FBXO38: variants seen among roughly 807,000 people sequenced by gnomAD.
The protein encoded by FBXO38 is F-box protein 38, also known as F-box only protein 38.
In FBXO38, 53 loss-of-function variants were observed where a neutral mutation model predicts 131.9. The observed-to-expected ratio is 0.40, with a 90% confidence interval of 0.32 to 0.51. The LOEUF (loss-of-function observed/expected upper bound fraction) is 0.51, where lower values mean the gene tolerates loss of function less well. FBXO38 is among the 20% of genes least tolerant of loss of function. FBXO38 has a pLI of 0.53. For missense variants in FBXO38, 1,076 were observed against 1,475.6 expected (o/e 0.73, Z 4.44); for synonymous variants, 452 against 505.6 (o/e 0.89, Z 1.42).
intron 19 of FBXO38, chr5:148,440,214 T>C (rs1417229020): frequency 1.8e-5 from 9 of 505,158 alleles, no homozygotes; most frequent in Non-Finnish European, 2.5e-5. Context: ...TTCCCTGATA[T>C]GATTTTGAAG....
At chr5:148,440,339 G>A (rs537722449) in intron 19 of FBXO38, 85 bp from the exon 20 acceptor site, 398 of 809,896 alleles carry the variant, frequency 4.9e-4, no homozygotes, top group African/African-American at 7.6e-4. Flanking sequence ...ATCTGTGTCC[G>A]AAACAGTTTT....
intron 1 of FBXO38, among the ~76,000 whole-genome samples, chr5:148,386,616 G>C (rs1757927466): frequency 6.6e-6 from 1 of 152,028 alleles, no homozygotes; most frequent in Non-Finnish European, 1.5e-5. Flanking sequence ...TGTCATTTCT[G>C]ACATTTCCTT....
intron 15 of FBXO38, among the ~76,000 whole-genome samples, chr5:148,431,644 T>G (rs1340814087): frequency 6.6e-6 from 1 of 152,208 alleles, no homozygotes; most frequent in Admixed American, 6.5e-5. Flanking sequence ...AACCAGGACT[T>G]ACTAATGAGG....
chr5:148,402,559 TA>T, intron 5 of FBXO38, 46 bp downstream of exon 5: 1 of 1,408,998 alleles, frequency 7.1e-7, no homozygotes, highest in Non-Finnish European at 9.6e-7. Flanking sequence ...TGAAATGCCA[TA>T]AAATGTGAAT....
chr5:148,418,093 A>T (rs931857070), intron 12 of FBXO38, among the ~76,000 whole-genome samples: 1 of 151,778 alleles, frequency 6.6e-6, no homozygotes, highest in African/African-American at 2.4e-5. Context: ...TCCCTATAGA[A>T]CTCTCCACTT....
intron 17 of FBXO38, chr5:148,434,164 G>T (rs539767865): frequency 2.0e-5 from 3 of 152,400 alleles, no homozygotes; most frequent in South Asian, 4.1e-4. Flanking sequence ...TTTACTTTGT[G>T]GCCCATTATC....
intron 15 of FBXO38, among the ~76,000 whole-genome samples, chr5:148,428,925 G>A (rs1753876536): frequency 6.6e-6 from 1 of 152,174 alleles, no homozygotes; most frequent in Non-Finnish European, 1.5e-5. Flanking sequence ...TATGGTGAAA[G>A]TACTTTTCCC....
chr5:148,394,646 C>CA (rs1758381411), intron 1 of FBXO38, 68 bp from the exon 2 acceptor site: 1 of 638,804 alleles, frequency 1.6e-6, no homozygotes, highest in Non-Finnish European at 2.4e-6. Context: ...TGAAAATAAA[C>CA]ATTGTTTAAC....
In FBXO38 at chr5:148,404,707, T is replaced by C; in HGVS notation, c.615T>C (p.Pro205=). 1 of 1,587,002 alleles carries C rather than the reference T, an allele frequency of 6.3e-7. No individual in the cohort carries two copies. The change falls in exon 6 of 22, where the codon CCT becomes CCC. Residue 205 remains proline, a synonymous_variant. Transcript: ENST00000340253. ...TAGGGGTGAATGTTCCTGAAATTCC[T>C]TGTATCCCAATGCTAAGGCACCTTT... The part of the protein sequence containing the change: ...HLVGVNVPEI[P]CIPMLRHLYM...
Position 148,414,313 on chromosome 5 carries a change from C to A in FBXO38, c.1264+7C>A, listed in dbSNP as rs748117269. The A allele has an allele frequency of 1.9e-6, 3 of 1,581,470 alleles. No individual in the cohort carries two copies. Among genetic ancestry groups the A allele is most frequent in the Non-Finnish European group, 2.6e-6 (3 of 1,166,040 alleles). On this transcript the variant is annotated splice_region_variant and intron_variant, in intron 10 of 21. Transcript: ENST00000340253. ...CCATACAATTGGATCTCAGGTATTA[C>A]AGACTTAAAAATACAGCTATGTTTT... is the stretch of plus-strand genomic sequence containing the variant.
At chr5:148,410,569 TAGG>T in intron 8 of FBXO38, 63 bp from the exon 9 acceptor site, 1 of 1,570,816 alleles carries the variant, frequency 6.4e-7, no homozygotes, top group South Asian at 1.1e-5. Context: ...ACACTTATAT[TAGG>T]AGGAATCTTT....
intron 1 of FBXO38, among the ~76,000 whole-genome samples, chr5:148,392,611 G>A (rs996599512): frequency 3.3e-5 from 5 of 151,388 alleles, no homozygotes; most frequent in African/African-American, 1.2e-4. Context: ...GTGTGTGTGT[G>A]TGTGTGTGTA....
At chr5:148,393,347 A>T (rs1197529758) in intron 1 of FBXO38, among the ~76,000 whole-genome samples, 2 of 152,048 alleles carry the variant, frequency 1.3e-5, no homozygotes, top group Non-Finnish European at 2.9e-5. Context: ...ATGAAGATTT[A>T]CTTAGCCTAG....
At chr5:148,438,052 A>G (rs1754450200) in intron 17 of FBXO38, among the ~76,000 whole-genome samples, 1 of 152,188 alleles carries the variant, frequency 6.6e-6, no homozygotes, top group African/African-American at 2.4e-5. Context: ...TTTTAAATAA[A>G]TATTTCCTAA....
Position 148,433,537 on chromosome 5 carries a change from C to G in FBXO38, c.2754+13C>G, listed in dbSNP as rs370574839. The G allele has an allele frequency of 2.5e-6, 4 of 1,591,352 alleles. No individual in the cohort carries two copies. The African/African-American group carries it at 5.4e-5, about 21-fold the overall frequency. ...TGACCATGTGCAGGTAGAGAAAAAACCCTCACTTACCTTTATCACAGTCTA... is the reference window on the plus strand; with the variant it reads ...TGACCATGTGCAGGTAGAGAAAAAAGCCTCACTTACCTTTATCACAGTCTA... On this transcript the variant is annotated intron_variant, in intron 16 of 21. Transcript: ENST00000340253.
At chr5:148,418,958 C>T (rs531089318) in intron 12 of FBXO38, among the ~76,000 whole-genome samples, 1 of 152,198 alleles carries the variant, frequency 6.6e-6, no homozygotes, top group South Asian at 2.1e-4. Flanking sequence ...TTTATAAATA[C>T]GGTTTCAGAA....
At chr5:148,416,185 G>A in intron 11 of FBXO38, 115 bp downstream of exon 11, 1 of 989,660 alleles carries the variant, frequency 1.0e-6, no homozygotes, top group Non-Finnish European at 1.4e-6. Flanking sequence ...GTTACAGTCG[G>A]ACTTTTTACT....
rs776587530 is a variant in FBXO38 at position 148,394,920 on chromosome 5, G to A, written c.128+16G>A. 7.1e-6 allele frequency: 11 copies of A among 1,555,978 alleles called. No homozygotes were observed. The highest frequency in any genetic ancestry group is 1.7e-4 in the Middle Eastern group (1 of 5,882). On this transcript the variant is annotated intron_variant, in intron 2 of 21. Coordinates refer to ENST00000340253, the MANE Select transcript of FBXO38 (RefSeq NM_205836.3). ...ATATTTTTAGGTAAGATTGTGTTTG[G>A]TTGGCTTACCTGCCTGGAATGGATA...
At chr5:148,432,474 T>C (rs1165155035) in intron 15 of FBXO38, among the ~76,000 whole-genome samples, 1 of 152,216 alleles carries the variant, frequency 6.6e-6, no homozygotes, top group Non-Finnish European at 1.5e-5. Flanking sequence ...GGTTCCCATT[T>C]AACACTGTGG....
Sources: gnomAD v4.1 joint callset for allele counts (sites outside exome capture counted in the v4.1 genomes callset) on GRCh38, gnomAD v4.1.1 for gene constraint, MANE v1.5 for transcripts, NCBI Gene and HGNC (gene_info 2026-07-23, HGNC 2026-07-21) for gene names.